Variants in NPY2R observed in about 807,000 individuals in gnomAD.
The protein encoded by NPY2R is neuropeptide Y receptor Y2, also known as neuropeptide Y receptor type 2.
A neutral mutation model predicts 22.3 loss-of-function variants in NPY2R; 17 were observed. That is an observed-to-expected ratio of 0.76 (90% CI 0.52 to 1.14). The LOEUF (loss-of-function observed/expected upper bound fraction) is 1.14. Among genes scored for constraint, NPY2R ranks in the 50% most tolerant of loss-of-function variants. NPY2R has a pLI of 0.00. For synonymous variants in NPY2R, 209 were observed against 183.4 expected, an observed-to-expected ratio of 1.14 and a Z score of -1.13; for missense variants, 424 against 467.9, an observed-to-expected ratio of 0.91 and a Z score of 0.87.
upstream of NPY2R, among the ~76,000 whole-genome samples, chr4:155,205,300 T>G (rs1252302964): frequency 6.6e-6 from 1 of 152,246 alleles, no homozygotes; most frequent in African/African-American, 2.4e-5. Flanking sequence ...ATTTCTTCTA[T>G]GATGTTTTTG....
chr4:155,210,403 CA>C (rs1729379465), intron 1 of NPY2R, among the ~76,000 whole-genome samples: 1 of 152,162 alleles, frequency 6.6e-6, no homozygotes, highest in African/African-American at 2.4e-5. Flanking sequence ...ATCAAAAAAT[CA>C]AGTATACTCT....
At chr4:155,191,220 C>T in the NPY2R span, among the ~76,000 whole-genome samples, 1 of 151,834 alleles carries the variant, frequency 6.6e-6, no homozygotes, top group African/African-American at 2.4e-5. Context: ...AAGACACAGG[C>T]ACTTAATACT....
the NPY2R span, among the ~76,000 whole-genome samples, chr4:155,200,986 G>A: frequency 6.6e-6 from 1 of 151,848 alleles, no homozygotes; most frequent in African/African-American, 2.4e-5. Context: ...AAACCTACAC[G>A]CTCTGCACTT....
chr4:155,174,462 T>TTATATATATATATATATA, the NPY2R span, among the ~76,000 whole-genome samples: 240 of 116,522 alleles, frequency 2.1e-3, 1 homozygote, highest in Admixed American at 2.7e-3. Flanking sequence ...TGGCTAAGCT[T>TTATATATATATATATATA]TATATATATA....
At chr4:155,208,184 C>T (rs1417880051), upstream of NPY2R, 1 of 152,272 alleles carries the variant, frequency 6.6e-6, no homozygotes, top group Non-Finnish European at 1.5e-5. This position sits in a 1 kb window ranked among gnomAD's most constrained non-coding sequence, Gnocchi z 5.6. Context: ...CTCCTACACA[C>T]ACAAAAGAAA....
the NPY2R span, among the ~76,000 whole-genome samples, chr4:155,198,999 T>G: frequency 6.6e-6 from 1 of 151,980 alleles, no homozygotes; most frequent in Non-Finnish European, 1.5e-5. Flanking sequence ...TCAGTTTAAG[T>G]AAACCAATAC....
At chr4:155,178,787 C>G in the NPY2R span, among the ~76,000 whole-genome samples, 15,631 of 152,118 alleles carry the variant, frequency 0.1, 874 homozygotes, top group East Asian at 0.16. Context: ...CTGAAGTCTG[C>G]TTTGTCTGAT....
At chr4:155,174,477 TATATATA>T in the NPY2R span, among the ~76,000 whole-genome samples, 5 of 89,354 alleles carry the variant, frequency 5.6e-5, no homozygotes, top group African/African-American at 2.9e-4. Flanking sequence ...TATATATATA[TATATATA>T]TTTTTTTTTT....
At chr4:155,179,691 CAT>C in the NPY2R span, among the ~76,000 whole-genome samples, 2 of 152,158 alleles carry the variant, frequency 1.3e-5, no homozygotes, top group African/African-American at 4.8e-5. Flanking sequence ...TCACTTTCTG[CAT>C]ATATAGTTTG....
the NPY2R span, among the ~76,000 whole-genome samples, chr4:155,201,243 T>C: frequency 6.6e-6 from 1 of 152,076 alleles, no homozygotes; most frequent in Non-Finnish European, 1.5e-5. Context: ...GCAGAAGAGA[T>C]GTTCTGGGCC....
At chr4:155,175,189 G>A in the NPY2R span, among the ~76,000 whole-genome samples, 1 of 151,980 alleles carries the variant, frequency 6.6e-6, no homozygotes, top group Admixed American at 6.6e-5. Context: ...AGTACCATTT[G>A]CAAAAAAACA....
rs1729497501 is a variant in NPY2R, at chr4:155,215,506, AC to A, written c.*422del. On this transcript the variant is annotated 3_prime_UTR_variant, in exon 2 of 2. Coordinates refer to ENST00000329476, the MANE Select transcript of NPY2R (RefSeq NM_000910.4). ...GCTGCTCCCTGCTTGGCTTATGAAA[AC>A]ACCACTGAACAGAAATTTCTCCAGG... 1 of 230,356 alleles carries A rather than the reference AC, an allele frequency of 4.3e-6. No individual in the cohort carries two copies. The highest frequency in any genetic ancestry group is 9.4e-6 in the Non-Finnish European group (1 of 106,750). 14.3% of individuals were successfully genotyped at this position (230,356 alleles called of 1,614,324 possible). A position where few individuals can be genotyped will look rare whatever the true frequency, so the allele number is the denominator to read the frequency against.
the NPY2R span, among the ~76,000 whole-genome samples, chr4:155,176,593 T>C: frequency 2.0e-5 from 3 of 152,256 alleles, no homozygotes; most frequent in African/African-American, 4.8e-5. Flanking sequence ...TTAGGATACA[T>C]AAACACAACT....
At chr4:155,175,897 A>G in the NPY2R span, among the ~76,000 whole-genome samples, 1 of 152,182 alleles carries the variant, frequency 6.6e-6, no homozygotes, top group Non-Finnish European at 1.5e-5. Flanking sequence ...ACACCTGGGA[A>G]GGGCCAAAGA....
At chr4:155,179,695 T>C in the NPY2R span, among the ~76,000 whole-genome samples, 1 of 152,318 alleles carries the variant, frequency 6.6e-6, no homozygotes, top group African/African-American at 2.4e-5. Context: ...TTTCTGCATA[T>C]ATAGTTTGGG....
chr4:155,201,194 A>G, the NPY2R span, among the ~76,000 whole-genome samples: 12 of 151,970 alleles, frequency 7.9e-5, no homozygotes, highest in African/African-American at 2.9e-4. Flanking sequence ...CCCTTTGTAT[A>G]TAGTGTGATC....
chr4:155,192,379 G>C, the NPY2R span, among the ~76,000 whole-genome samples: 3 of 151,618 alleles, frequency 2.0e-5, no homozygotes, highest in African/African-American at 7.3e-5. Context: ...TTTGGGGTGA[G>C]AATATATTAG....
In NPY2R at chr4:155,214,431, C is replaced by A; in HGVS notation, c.492C>A (p.Ile164=). ...YHLESKISKR[I]SFLIIGLAWG... ...TAGAGAGCAAGATCTCCAAGCGAATCAGCTTCCTGATTATTGGCTTGGCCT... is the reference window on the plus strand; with the variant it reads ...TAGAGAGCAAGATCTCCAAGCGAATAAGCTTCCTGATTATTGGCTTGGCCT... The change falls in exon 2 of 2, where the codon ATC becomes ATA. Residue 164 remains isoleucine, a synonymous_variant. Transcript: ENST00000329476. The A allele has an allele frequency of 6.2e-7, 1 of 1,614,128 alleles. No homozygotes were observed. The highest frequency in any genetic ancestry group is 2.2e-5 in the East Asian group (1 of 44,870).
At chr4:155,180,159 A>G in the NPY2R span, among the ~76,000 whole-genome samples, 6 of 151,782 alleles carry the variant, frequency 4.0e-5, no homozygotes, top group Admixed American at 1.3e-4. Context: ...GGCTCAGGCA[A>G]TCCTCCCACC....
Sources: allele counts gnomAD v4.1 joint callset (sites outside exome capture counted in the v4.1 genomes callset), GRCh38; gene constraint gnomAD v4.1.1; non-coding constraint Gnocchi (gnomAD v3.1); transcripts MANE v1.5; gene names NCBI Gene and HGNC (gene_info 2026-07-23, HGNC 2026-07-21).